Variants in MGST1 observed in about 807,000 individuals in gnomAD.
The protein encoded by MGST1 is glutathione S-transferase 12.
MGST1 carries 5 observed loss-of-function variants against 8.9 expected under a neutral mutation model. The ratio of observed to expected loss-of-function variants is 0.56; its 90% CI spans 0.29 to 1.19. The LOEUF is 1.19. MGST1 is among the 50% of genes most tolerant of loss of function. The pLI is 0.08. For synonymous variants in MGST1, 54 were observed against 67.8 expected, an observed-to-expected ratio of 0.80 and a Z score of 1.00; for missense variants, 182 against 187.4, an observed-to-expected ratio of 0.97 and a Z score of 0.17.
In MGST1 at chr12:16,587,595, T is replaced by C. The variant is rs1485135867; in HGVS notation, n.483-1933T>C. Among the ~76,000 whole-genome samples the C allele has an allele frequency of 6.6e-6, 1 of 152,142 alleles. No individual in the cohort carries two copies. The highest frequency in any genetic ancestry group is 2.4e-5 in the African/African-American group (1 of 41,444). ...ACCCTTGGTGTTAAATTTTCTTAAA[T>C]TGTATTTCTGTCAGTGTATCATTTT... is the stretch of plus-strand genomic sequence containing the variant. On this transcript the variant is annotated intron_variant and non_coding_transcript_variant, in intron 4 of 4. Coordinates refer to the MGST1 transcript ENST00000538857. The surrounding 1 kb of genome is among the most constrained non-coding windows in gnomAD (Gnocchi z 4.3).
At chr12:16,457,516 CT>C (rs1941185086) in intron 4 of MGST1, among the ~76,000 whole-genome samples, 1 of 151,838 alleles carries the variant, frequency 6.6e-6, no homozygotes, top group Admixed American at 6.6e-5. Flanking sequence ...TGATATTTAT[CT>C]TACATTTTTC....
rs1252683524 is a variant in MGST1, at chr12:16,363,778, G to C, written c.222-17G>C. On this transcript the variant is annotated splice_polypyrimidine_tract_variant and intron_variant, in intron 3 of 3. Transcript: ENST00000396210. This position sits in a 1 kb window ranked among gnomAD's most constrained non-coding sequence, Gnocchi z 4.6. ...TATTTTGAAATTAGTGTCTTTAATAGTTATCTTTTTCCACAGAGCCCACCT... is the reference window on the plus strand; with the variant it reads ...TATTTTGAAATTAGTGTCTTTAATACTTATCTTTTTCCACAGAGCCCACCT... The C allele has an allele frequency of 6.3e-7, 1 of 1,576,368 alleles. No individual in the cohort carries two copies. The highest frequency in any genetic ancestry group is 8.7e-7 in the Non-Finnish European group (1 of 1,154,866).
At chr12:16,539,396 A>C (rs1035883434) in intron 4 of MGST1, among the ~76,000 whole-genome samples, 5 of 152,122 alleles carry the variant, frequency 3.3e-5, no homozygotes, top group African/African-American at 1.2e-4. Flanking sequence ...ATGGTATCCT[A>C]ATCATAAATT....
intron 4 of MGST1, among the ~76,000 whole-genome samples, chr12:16,476,579 G>C (rs2137139765): frequency 6.6e-6 from 1 of 152,186 alleles, no homozygotes; most frequent in South Asian, 2.1e-4. Flanking sequence ...GTGCTGATTT[G>C]GTTGCTACAC....
At chr12:16,449,234 G>A (rs1941108993) in intron 4 of MGST1, among the ~76,000 whole-genome samples, 1 of 151,900 alleles carries the variant, frequency 6.6e-6, no homozygotes, top group Admixed American at 6.6e-5. Flanking sequence ...TTACAATCAT[G>A]GCAGAAGGTA....
intron 1 of MGST1, among the ~76,000 whole-genome samples, chr12:16,421,769 G>T (rs1269523841): frequency 3.3e-5 from 5 of 152,140 alleles, no homozygotes; most frequent in African/African-American, 1.2e-4. Context: ...GTGGGTCAAA[G>T]ACTGTAACCC....
intron 4 of MGST1, among the ~76,000 whole-genome samples, chr12:16,531,003 A>G (rs1393083882): frequency 2.0e-5 from 3 of 152,002 alleles, no homozygotes; most frequent in African/African-American, 2.4e-5. Flanking sequence ...GGCACATTCA[A>G]TATAACTCAT....
chr12:16,587,525 T>G lies in MGST1; in HGVS notation n.483-2003T>G, dbSNP rs1175015684. 6.6e-6 allele frequency among the ~76,000 whole-genome samples: 1 copy of G among 152,154 alleles called. No individual in the cohort carries two copies. Among genetic ancestry groups the G allele is most frequent in the Non-Finnish European group, 1.5e-5 (1 of 68,014 alleles). On this transcript the variant is annotated intron_variant and non_coding_transcript_variant, in intron 4 of 4. Transcript: ENST00000538857. The surrounding 1 kb of genome is among the most constrained non-coding windows in gnomAD (Gnocchi z 4.3). The stretch of plus-strand genomic sequence containing the variant: ...TGTGCCTCTTTTTTAAATAAACCCC[T>G]GGCCTTGAGTTTTGGCCCCTTAATA...
intron 3 of MGST1, among the ~76,000 whole-genome samples, chr12:16,373,059 CAAAAT>C (rs1940323976): frequency 7.4e-6 from 1 of 134,232 alleles, no homozygotes; most frequent in Non-Finnish European, 1.6e-5. Context: ...TTATACAAAA[CAAAAT>C]ATTATTTGGC....
At chr12:16,387,620 A>G (rs558996364) in intron 1 of MGST1, among the ~76,000 whole-genome samples, 79 of 148,854 alleles carry the variant, frequency 5.3e-4, no homozygotes, top group African/African-American at 1.8e-3. Flanking sequence ...TCCGCCTCCC[A>G]CGTTCACGCC....
At chr12:16,350,812 T>G (rs2975143) in intron 1 of MGST1, 101,006 of 152,152 alleles carry the variant, frequency 0.66, 34,530 homozygotes, top group Middle Eastern at 0.76. Flanking sequence ...GTGTGTCAGA[T>G]GCTTGGTGCT....
At chr12:16,380,977 T>C (rs1448122468), downstream of MGST1, among the ~76,000 whole-genome samples, 1 of 152,220 alleles carries the variant, frequency 6.6e-6, no homozygotes. Flanking sequence ...CCTGCCTTTT[T>C]TCTTTTCCAT....
In MGST1 at chr12:16,522,781, G is replaced by A. The variant is rs80254792; in HGVS notation, n.483-66747G>A. On this transcript the variant is annotated intron_variant and non_coding_transcript_variant, in intron 4 of 4. Transcript: ENST00000538857. Reference sequence around the variant, plus strand: ...ACTCTGTTTCTGCAGTAAGATGTGAGTTTTGTAAGTGTGCTGATGGCTAGA... The same window carrying A: ...ACTCTGTTTCTGCAGTAAGATGTGAATTTTGTAAGTGTGCTGATGGCTAGA... 9.5e-3 allele frequency among the ~76,000 whole-genome samples: 1,453 copies of A among 152,190 alleles called. 47 individuals carry two copies. The East Asian group carries it at 0.14, about 14-fold the overall frequency.
intron 1 of MGST1, among the ~76,000 whole-genome samples, chr12:16,398,609 G>T (rs1413830678): frequency 6.6e-6 from 1 of 152,216 alleles, no homozygotes; most frequent in East Asian, 1.9e-4. Flanking sequence ...TACCATGTGT[G>T]CATTTGTATG....
chr12:16,399,400 C>T, intron 1 of MGST1: 7 of 1,499,728 alleles, frequency 4.7e-6, no homozygotes, highest in South Asian at 4.5e-5. Context: ...CGACTTTGTT[C>T]TTCTTCTTCC....
At chr12:16,355,590 A>T (rs924347089) in intron 2 of MGST1, among the ~76,000 whole-genome samples, 2 of 152,196 alleles carry the variant, frequency 1.3e-5, no homozygotes, top group African/African-American at 4.8e-5. Flanking sequence ...CAGGGCAACA[A>T]AGTGGCTGTC....
At chr12:16,374,819 T>C (rs1940354162) in intron 3 of MGST1, among the ~76,000 whole-genome samples, 2 of 152,184 alleles carry the variant, frequency 1.3e-5, no homozygotes, top group African/African-American at 4.8e-5. Context: ...GAATAAACTT[T>C]AGGATATATA....
rs532693063 is a variant in MGST1 at position 16,521,091 on chromosome 12, C to T, written n.483-68437C>T. Reference sequence around the variant, plus strand: ...AGGATGACAGCACGCAATTGATTACCGCTCTTTAGGTACTCCCCTTTAGCT... The same window carrying T: ...AGGATGACAGCACGCAATTGATTACTGCTCTTTAGGTACTCCCCTTTAGCT... On this transcript the variant is annotated intron_variant and non_coding_transcript_variant, in intron 4 of 4. Coordinates refer to the MGST1 transcript ENST00000538857. 7.9e-5 allele frequency among the ~76,000 whole-genome samples: 12 copies of T among 152,230 alleles called. No homozygotes were observed. The South Asian group carries it at 1.0e-3, about 13-fold the overall frequency.
At chr12:16,533,067 C>T (rs148945359) in intron 4 of MGST1, among the ~76,000 whole-genome samples, 1 of 152,220 alleles carries the variant, frequency 6.6e-6, no homozygotes, top group Non-Finnish European at 1.5e-5. Context: ...CACTTTAAAC[C>T]AAAGCTGTTG....
Sources: allele counts gnomAD v4.1 joint callset (sites outside exome capture counted in the v4.1 genomes callset), GRCh38; gene constraint gnomAD v4.1.1; non-coding constraint Gnocchi (gnomAD v3.1); transcripts MANE v1.5; gene names NCBI Gene and HGNC (gene_info 2026-07-23, HGNC 2026-07-21).